FRMD6: variants seen among roughly 807,000 people sequenced by gnomAD.
FRMD6 encodes the protein FERM domain-containing protein 6.
FRMD6 carries 37 observed loss-of-function variants against 73.2 expected under a neutral mutation model. That is an observed-to-expected ratio of 0.51 (90% CI 0.39 to 0.66). The LOEUF (loss-of-function observed/expected upper bound fraction) is 0.66, where lower values mean the gene tolerates loss of function less well. FRMD6 is among the 30% of genes least tolerant of loss of function. The pLI is 0.00. For synonymous variants in FRMD6, 273 were observed against 282.2 expected (o/e 0.97, Z 0.33); for missense variants, 714 against 780.5 (o/e 0.91, Z 1.02).
Position 51,700,994 on chromosome 14 carries a change from A to G in FRMD6, c.191-62A>G, listed in dbSNP as rs564229950. 32 of 750,036 alleles carry G rather than the reference A, an allele frequency of 4.3e-5. No homozygotes were observed. In the African/African-American group the frequency reaches 5.0e-4, roughly 12 times the overall value. The allele number at this position is 750,036 out of a possible 1,614,324, so 46.5% of individuals were successfully genotyped here. ...CTTTAAAAGAAACTTGTTTCTTTCT[A>G]TATTTTTTTTCTTTTAAAAATCCTT... is the stretch of plus-strand genomic sequence containing the variant. On this transcript the variant is annotated intron_variant, in intron 3 of 13. Transcript: ENST00000344768.
the FRMD6 span, among the ~76,000 whole-genome samples, chr14:51,443,063 C>T: frequency 0.024 from 3,662 of 152,264 alleles, 96 homozygotes; most frequent in African/African-American, 0.06. Context: ...AAAAACCCTG[C>T]AGGATTTTAA....
intron 9 of FRMD6, chr14:51,714,203 T>G (rs960125849): frequency 1.3e-5 from 2 of 152,218 alleles, no homozygotes; most frequent in Non-Finnish European, 2.9e-5. Context: ...CTAGACTTGC[T>G]TTGAGGATTA....
the FRMD6 span, among the ~76,000 whole-genome samples, chr14:51,445,085 CAG>C: frequency 3.2e-4 from 48 of 152,296 alleles, no homozygotes; most frequent in African/African-American, 1.0e-3. Flanking sequence ...TGCTGCCATC[CAG>C]TTGACCACCA....
rs141150475 is a variant in FRMD6, at chr14:51,722,060, G to A, written c.1472G>A (p.Arg491Gln). The A allele has an allele frequency of 3.9e-4, 628 of 1,614,058 alleles. 2 individuals carry two copies. Among genetic ancestry groups the A allele is most frequent in the African/African-American group, 3.5e-3 (259 of 75,020 alleles). The part of the protein sequence containing the change: ...IYITEDMLMS[R>Q]KLNGHSGLIV... ...ATCACAGAGGACATGCTCATGTCGC[G>A]GAAGCTGAATGGACACTCTGGTGAG... is the stretch of plus-strand genomic sequence containing the variant. Residue 491 changes from arginine to glutamine, a missense_variant, in exon 12 of 14, where the codon CGG (arginine) becomes CAG (glutamine). Coordinates refer to ENST00000344768, the MANE Select transcript of FRMD6 (RefSeq NM_001267046.2).
the FRMD6 span, among the ~76,000 whole-genome samples, chr14:51,475,051 C>T: frequency 4.6e-5 from 7 of 152,278 alleles, no homozygotes; most frequent in South Asian, 1.5e-3. Flanking sequence ...ATCCCCACTT[C>T]CAATGCATAG....
the FRMD6 span, among the ~76,000 whole-genome samples, chr14:51,419,861 G>A: frequency 3.3e-5 from 5 of 152,124 alleles, no homozygotes; most frequent in East Asian, 7.7e-4. Context: ...GTATAGTCAC[G>A]TGACTTCCTG....
the FRMD6 span, among the ~76,000 whole-genome samples, chr14:51,464,383 T>G: frequency 6.9e-6 from 1 of 145,142 alleles, no homozygotes; most frequent in Middle Eastern, 3.5e-3. Flanking sequence ...ACCCCTGAAC[T>G]TAAAAGGTGA....
At chr14:51,636,134 T>A (rs77495702) in intron 2 of FRMD6, among the ~76,000 whole-genome samples, 1 of 152,078 alleles carries the variant, frequency 6.6e-6, no homozygotes, top group Admixed American at 6.6e-5. Context: ...CAGGTGGTGG[T>A]GAGACAAGAT....
intron 1 of FRMD6, among the ~76,000 whole-genome samples, chr14:51,494,246 G>A (rs1353632799): frequency 1.3e-5 from 2 of 152,138 alleles, no homozygotes; most frequent in African/African-American, 4.8e-5. Context: ...CATCTAAATA[G>A]CCTCTAAATT....
chr14:51,404,124 C>T, the FRMD6 span, among the ~76,000 whole-genome samples: 27,468 of 151,992 alleles, frequency 0.18, 2,594 homozygotes, highest in Middle Eastern at 0.25. Flanking sequence ...TTCTGGTAGG[C>T]TTGAAATACT....
the FRMD6 span, among the ~76,000 whole-genome samples, chr14:51,433,110 A>T: frequency 3.9e-5 from 6 of 152,338 alleles, no homozygotes; most frequent in East Asian, 1.2e-3. Flanking sequence ...AGCTGGTACA[A>T]CCTTTTAAAA....
intron 1 of FRMD6, among the ~76,000 whole-genome samples, chr14:51,507,869 A>G (rs1008432517): frequency 2.6e-5 from 4 of 152,154 alleles, no homozygotes; most frequent in Non-Finnish European, 4.4e-5. Flanking sequence ...GGATGGCTTG[A>G]TCACACCTCT....
At chr14:51,480,528 G>A in the FRMD6 span, among the ~76,000 whole-genome samples, 1 of 151,940 alleles carries the variant, frequency 6.6e-6, no homozygotes, top group African/African-American at 2.4e-5. Context: ...TTCCAGGACT[G>A]GAATCATCTA....
At chr14:51,705,296 C>T (rs573844557) in intron 6 of FRMD6, among the ~76,000 whole-genome samples, 7 of 152,172 alleles carry the variant, frequency 4.6e-5, no homozygotes, top group Admixed American at 6.5e-5. Context: ...GATTATTCCT[C>T]GCTTTCCTTT....
intron 7 of FRMD6, among the ~76,000 whole-genome samples, chr14:51,708,704 T>C (rs1192861612): frequency 6.6e-6 from 1 of 152,148 alleles, no homozygotes; most frequent in African/African-American, 2.4e-5. Flanking sequence ...ACACTTTATA[T>C]GTGTTTTTTT....
the FRMD6 span, among the ~76,000 whole-genome samples, chr14:51,437,211 C>A: frequency 6.6e-6 from 1 of 152,150 alleles, no homozygotes; most frequent in African/African-American, 2.4e-5. Context: ...GTTCGACTCC[C>A]ACCTATGAGT....
chr14:51,583,231 C>T (rs1026560251), intron 2 of FRMD6, among the ~76,000 whole-genome samples: 5 of 152,058 alleles, frequency 3.3e-5, no homozygotes, highest in East Asian at 1.9e-4. Flanking sequence ...CTTTATTTGC[C>T]GAACTAAAAT....
At chr14:51,433,928 G>A in the FRMD6 span, among the ~76,000 whole-genome samples, 1 of 152,192 alleles carries the variant, frequency 6.6e-6, no homozygotes, top group Non-Finnish European at 1.5e-5. Flanking sequence ...CTGTATGCAA[G>A]TATTATAAAA....
At chr14:51,507,083 G>GACACACACACACACACAC (rs200052672) in intron 1 of FRMD6, among the ~76,000 whole-genome samples, 1 of 138,992 alleles carries the variant, frequency 7.2e-6, no homozygotes, top group Non-Finnish European at 1.6e-5. Flanking sequence ...TGGTTGTATA[G>GACACACACACACACACAC]ACACACACAC....
Sources: allele counts gnomAD v4.1 joint callset (sites outside exome capture counted in the v4.1 genomes callset), GRCh38; gene constraint gnomAD v4.1.1; transcripts MANE v1.5; gene names NCBI Gene and HGNC (gene_info 2026-07-23, HGNC 2026-07-21).